HSD17B12: variants seen among roughly 807,000 people sequenced by gnomAD.
The protein encoded by HSD17B12 is hydroxysteroid 17-beta dehydrogenase 12.
HSD17B12 carries 32 observed loss-of-function variants against 39.3 expected under a neutral mutation model. That is an observed-to-expected ratio of 0.81 (90% CI 0.61 to 1.09). The LOEUF (loss-of-function observed/expected upper bound fraction) is 1.09, where lower values mean the gene tolerates loss of function less well. HSD17B12 is among the 50% of genes least tolerant of loss of function. The pLI is 0.00. For missense variants in HSD17B12, 342 were observed against 382.9 expected, an observed-to-expected ratio of 0.89 and a Z score of 0.89; for synonymous variants, 150 against 146.7, an observed-to-expected ratio of 1.02 and a Z score of -0.16.
chr11:43,625,499 A>G, the HSD17B12 span, among the ~76,000 whole-genome samples: 2 of 151,428 alleles, frequency 1.3e-5, no homozygotes, highest in Admixed American at 1.3e-4. Flanking sequence ...TTGGCAATTG[A>G]TTTATTTTAA....
chr11:43,854,202 A>G (rs1334906616), intron 9 of HSD17B12: 2 of 152,330 alleles, frequency 1.3e-5, no homozygotes, highest in African/African-American at 4.8e-5. Context: ...AATGGTGAGA[A>G]ACTAGGGAAG....
rs1950487530 is a variant in HSD17B12, at chr11:43,753,949, A to G, written c.208-97A>G. Reference sequence around the variant, plus strand: ...TACACTTGGGTTTATATTTTGAACTATCATCTGGACAGGTTTTCTTAAAAT... The same window carrying G: ...TACACTTGGGTTTATATTTTGAACTGTCATCTGGACAGGTTTTCTTAAAAT... On this transcript the variant is annotated intron_variant, in intron 2 of 10. Coordinates refer to ENST00000278353, the MANE Select transcript of HSD17B12 (RefSeq NM_016142.3). 6 of 674,230 alleles carry G rather than the reference A, an allele frequency of 8.9e-6. No homozygotes were observed. The South Asian group carries it at 9.3e-5, about 10-fold the overall frequency. The allele number at this position is 674,230 out of a possible 1,614,324, so 41.8% of individuals were successfully genotyped here. A position where few individuals can be genotyped will look rare whatever the true frequency, so the allele number is the denominator to read the frequency against.
chr11:43,802,614 G>A (rs1318673349), intron 4 of HSD17B12, among the ~76,000 whole-genome samples: 1 of 152,106 alleles, frequency 6.6e-6, no homozygotes, highest in East Asian at 1.9e-4. Context: ...TTAAGCAGTG[G>A]TTCTCAACCA....
At chr11:43,837,666 AT>A (rs1449869675) in intron 7 of HSD17B12, among the ~76,000 whole-genome samples, 4 of 152,176 alleles carry the variant, frequency 2.6e-5, no homozygotes, top group Non-Finnish European at 5.9e-5. Flanking sequence ...GAGTCACATA[AT>A]TTTAGAGTCA....
the HSD17B12 span, among the ~76,000 whole-genome samples, chr11:43,632,093 T>C: frequency 2.0e-5 from 3 of 152,316 alleles, no homozygotes; most frequent in Middle Eastern, 3.4e-3. Flanking sequence ...ATCTCTTCGT[T>C]TGGGTCGTTA....
At chr11:43,574,424 TC>T in the HSD17B12 span, among the ~76,000 whole-genome samples, 2 of 152,178 alleles carry the variant, frequency 1.3e-5, no homozygotes, top group Admixed American at 1.3e-4. Context: ...TTTCTGGTTT[TC>T]CCCCTCTCAG....
chr11:43,823,306 T>C (rs942767650), intron 6 of HSD17B12, among the ~76,000 whole-genome samples: 14 of 152,132 alleles, frequency 9.2e-5, no homozygotes, highest in Non-Finnish European at 1.5e-4. Flanking sequence ...GGTATCACTC[T>C]GTCACCCAGG....
chr11:43,854,894 T>C (rs377219932), intron 10 of HSD17B12, 30 bp downstream of exon 10: 25 of 1,609,310 alleles, frequency 1.6e-5, no homozygotes, highest in African/African-American at 2.7e-5. Flanking sequence ...CACAAATCAA[T>C]ACTTTCTGGC....
intron 1 of HSD17B12, among the ~76,000 whole-genome samples, chr11:43,711,024 C>T (rs1264769345): frequency 6.6e-6 from 1 of 152,202 alleles, no homozygotes; most frequent in Non-Finnish European, 1.5e-5. Context: ...AACTCCTGAC[C>T]TCAAGTGATC....
In HSD17B12 at chr11:43,703,440, C is replaced by T. The variant is rs577309690; in HGVS notation, c.160+22453C>T. Among the ~76,000 whole-genome samples, 365 of 152,238 alleles carry T rather than the reference C, an allele frequency of 2.4e-3. 4 individuals are homozygous for T. Among genetic ancestry groups the T allele is most frequent in the African/African-American group, 8.3e-3 (344 of 41,540 alleles). The stretch of plus-strand genomic sequence containing the variant: ...CGATCTCCCGACCTCGTGATCCGCC[C>T]GCCTCGGCCTCCCAAAGTGCTGGGA... On this transcript the variant is annotated intron_variant, in intron 1 of 10. Transcript: ENST00000278353.
intron 3 of HSD17B12, among the ~76,000 whole-genome samples, chr11:43,776,210 A>G (rs1013654900): frequency 2.0e-4 from 31 of 152,154 alleles, no homozygotes; most frequent in Non-Finnish European, 8.8e-5. Flanking sequence ...GAACTAGTTT[A>G]CAGTCCCACC....
rs540135345 is a variant in HSD17B12 at position 43,768,631 on chromosome 11, G to C, written c.283+14510G>C. On this transcript the variant is annotated intron_variant, in intron 3 of 10. Transcript: ENST00000278353. ...GGGTTCATGGTCTTGCTGACTTCAA[G>C]ATTGAAGCCACAGACCTCACTGCGA... is the stretch of plus-strand genomic sequence containing the variant. Among the ~76,000 whole-genome samples the C allele has an allele frequency of 3.3e-5, 5 of 152,332 alleles. No homozygotes were observed. In the South Asian group the frequency reaches 8.3e-4, roughly 25 times the overall value.
At chr11:43,610,032 C>T in the HSD17B12 span, among the ~76,000 whole-genome samples, 1 of 152,134 alleles carries the variant, frequency 6.6e-6, no homozygotes, top group Non-Finnish European at 1.5e-5. Context: ...AAATGAGGGG[C>T]GTCACGTTTT....
the HSD17B12 span, among the ~76,000 whole-genome samples, chr11:43,656,103 G>T: frequency 1.3e-5 from 2 of 152,158 alleles, no homozygotes; most frequent in South Asian, 4.1e-4. Flanking sequence ...CGTCTATTCA[G>T]AGATTCAACT....
chr11:43,754,570 C>T (rs935668032), intron 3 of HSD17B12, among the ~76,000 whole-genome samples: 1 of 152,082 alleles, frequency 6.6e-6, no homozygotes, highest in African/African-American at 2.4e-5. Flanking sequence ...AGTGAGACTC[C>T]ATCTCAGAAA....
the HSD17B12 span, among the ~76,000 whole-genome samples, chr11:43,596,761 A>G: frequency 6.6e-6 from 1 of 152,216 alleles, no homozygotes; most frequent in South Asian, 2.1e-4. Context: ...AGACAGACTT[A>G]TGAAAGACGA....
chr11:43,584,357 G>C, the HSD17B12 span, among the ~76,000 whole-genome samples: 1 of 152,184 alleles, frequency 6.6e-6, no homozygotes, highest in Non-Finnish European at 1.5e-5. Flanking sequence ...AAACTAGAAG[G>C]CTTTGTGGGC....
At chr11:43,835,031 T>G (rs1951355591) in intron 7 of HSD17B12, among the ~76,000 whole-genome samples, 1 of 152,174 alleles carries the variant, frequency 6.6e-6, no homozygotes, top group African/African-American at 2.4e-5. Flanking sequence ...ATTTGGATAT[T>G]TGTCATAACA....
the HSD17B12 span, among the ~76,000 whole-genome samples, chr11:43,619,038 C>CT: frequency 4.0e-5 from 6 of 150,826 alleles, no homozygotes; most frequent in East Asian, 2.0e-4. Flanking sequence ...CAAGAGACTT[C>CT]TTTTTTAAGA....
Sources: allele counts gnomAD v4.1 joint callset (sites outside exome capture counted in the v4.1 genomes callset), GRCh38; gene constraint gnomAD v4.1.1; transcripts MANE v1.5; gene names NCBI Gene and HGNC (gene_info 2026-07-23, HGNC 2026-07-21).